The following PCDHGB5 variants were observed in gnomAD, a reference collection of about 807,000 sequenced individuals.
PCDHGB5 encodes protocadherin gamma subfamily B, 5, also known as protocadherin gamma-B5.
PCDHGB5 carries 48 observed loss-of-function variants against 62.9 expected under a neutral mutation model. That is an observed-to-expected ratio of 0.76 (90% CI 0.61 to 0.97). PCDHGB5 has a LOEUF of 0.97. Among genes scored for constraint, PCDHGB5 ranks in the 50% least tolerant of loss-of-function variants. The pLI is 0.00. For synonymous variants in PCDHGB5, 474 were observed against 511.2 expected, an observed-to-expected ratio of 0.93 and a Z score of 0.98; for missense variants, 1,118 against 1,198.6, an observed-to-expected ratio of 0.93 and a Z score of 0.99.
chr5:141,472,770 G>C (rs953423129), intron 1 of PCDHGB5, among the ~76,000 whole-genome samples: 5 of 152,046 alleles, frequency 3.3e-5, no homozygotes, highest in Admixed American at 6.6e-5. Flanking sequence ...CAGATCACCT[G>C]AGGTTGGGAG....
chr5:141,506,017 C>G (rs2099850061), intron 3 of PCDHGB5, among the ~76,000 whole-genome samples: 1 of 152,176 alleles, frequency 6.6e-6, no homozygotes, highest in Non-Finnish European at 1.5e-5. Flanking sequence ...TTTGCTGCCC[C>G]TAACTCCAGA....
At position 141,431,513 on chromosome 5, in the gene PCDHGB5, C is replaced by A. The variant is rs1468442248; in HGVS notation, c.2397+30989C>A. ...TCAGCCCGAGTACCGCGCGAGCGTT[C>A]CGGAGAATCTGGCCTTGGGCACGCA... is the stretch of plus-strand genomic sequence containing the variant. On this transcript the variant is annotated intron_variant, in intron 1 of 3. Transcript: ENST00000617380. The surrounding 1 kb of genome is among the most constrained non-coding windows in gnomAD (Gnocchi z 4.8). 1 of 1,614,022 alleles carries A rather than the reference C, an allele frequency of 6.2e-7. No individual in the cohort carries two copies. The highest frequency in any genetic ancestry group is 1.7e-5 in the Admixed American group (1 of 60,032).
chr5:141,403,318 A>G, intron 1 of PCDHGB5: 1 of 1,613,982 alleles, frequency 6.2e-7, no homozygotes, highest in Non-Finnish European at 8.5e-7. Flanking sequence ...TAGAAATAGA[A>G]GTAACTGATA....
intron 1 of PCDHGB5, chr5:141,478,174 G>GA (rs1156842877): frequency 3.7e-6 from 6 of 1,613,692 alleles, no homozygotes; most frequent in South Asian, 1.1e-5. Context: ...CCCGGGAGCA[G>GA]AAAAAAAATC....
At chr5:141,499,247 A>C (rs908111927) in intron 2 of PCDHGB5, among the ~76,000 whole-genome samples, 1 of 152,036 alleles carries the variant, frequency 6.6e-6, no homozygotes, top group Non-Finnish European at 1.5e-5. Flanking sequence ...CTCTGCACAA[A>C]GAGTCTCCAT....
At chr5:141,424,712 G>A (rs2096836283) in intron 1 of PCDHGB5, 1 of 152,126 alleles carries the variant, frequency 6.6e-6, no homozygotes, top group Non-Finnish European at 1.5e-5. Context: ...CATTTTCAGT[G>A]TAGTTGGGAG....
intron 1 of PCDHGB5, among the ~76,000 whole-genome samples, chr5:141,402,766 A>T (rs1321674206): frequency 6.6e-6 from 1 of 152,232 alleles, no homozygotes; most frequent in African/African-American, 2.4e-5. Context: ...TCAGGACTCC[A>T]TCCGGATTTC....
intron 1 of PCDHGB5, chr5:141,415,428 G>C (rs948747218): frequency 1.2e-6 from 2 of 1,614,088 alleles, no homozygotes; most frequent in Non-Finnish European, 1.7e-6. Context: ...ACGGGGTTCG[G>C]GCTTTCCTGC....
intron 1 of PCDHGB5, among the ~76,000 whole-genome samples, chr5:141,461,415 T>C (rs2099015091): frequency 6.6e-6 from 1 of 152,152 alleles, no homozygotes; most frequent in Non-Finnish European, 1.5e-5. Flanking sequence ...TTTCATATGT[T>C]TGTGGGCCAT....
rs956295940 is a variant in PCDHGB5 at position 141,477,700 on chromosome 5, G to T, written c.2398-17107G>T. The T allele has an allele frequency of 1.2e-6, 2 of 1,613,954 alleles. No individual in the cohort carries two copies. Among genetic ancestry groups the T allele is most frequent in the African/African-American group, 2.7e-5 (2 of 74,928 alleles). On this transcript the variant is annotated intron_variant, in intron 1 of 3. Coordinates refer to ENST00000617380, the MANE Select transcript of PCDHGB5 (RefSeq NM_018925.3). This position sits in a 1 kb window ranked among gnomAD's most constrained non-coding sequence, Gnocchi z 4.9. ...CATCCTTAGTGCCCCTAGACTATGAGGATCGGCGGGAATTTGAATTAACAG... is the reference window on the plus strand; with the variant it reads ...CATCCTTAGTGCCCCTAGACTATGATGATCGGCGGGAATTTGAATTAACAG...
chr5:141,455,632 TG>T (rs1394377963), intron 1 of PCDHGB5, among the ~76,000 whole-genome samples: 1 of 151,924 alleles, frequency 6.6e-6, no homozygotes, highest in African/African-American at 2.4e-5. Flanking sequence ...TGGAGATATG[TG>T]GGGGGCAGCC....
At chr5:141,425,296 T>A (rs1283179158) in intron 1 of PCDHGB5, among the ~76,000 whole-genome samples, 1 of 152,194 alleles carries the variant, frequency 6.6e-6, no homozygotes, top group Non-Finnish European at 1.5e-5. Flanking sequence ...TAAAACCTCA[T>A]CTAAACTAAC....
chr5:141,403,512 A>G (rs751429629), intron 1 of PCDHGB5: 2 of 1,614,020 alleles, frequency 1.2e-6, no homozygotes, highest in Non-Finnish European at 1.7e-6. Context: ...ACTGGAGACA[A>G]TGGAGCCATA....
At chr5:141,415,183 G>A (rs201831693) in intron 1 of PCDHGB5, 913 of 1,613,968 alleles carry the variant, frequency 5.7e-4, no homozygotes, top group Non-Finnish European at 5.1e-4. Flanking sequence ...GGCCGTGGCC[G>A]ACAGCATCCC....
At chr5:141,481,013 A>G (rs1198627648) in intron 1 of PCDHGB5, among the ~76,000 whole-genome samples, 1 of 152,164 alleles carries the variant, frequency 6.6e-6, no homozygotes, top group Admixed American at 6.5e-5. Context: ...AGCCCAGATC[A>G]CACCACTGCA....
chr5:141,456,875 A>C (rs2098894225), intron 1 of PCDHGB5, among the ~76,000 whole-genome samples: 1 of 152,190 alleles, frequency 6.6e-6, no homozygotes, highest in African/African-American at 2.4e-5. Context: ...AGGCAGGAGA[A>C]TCGCTTGAAC....
At chr5:141,453,288 A>T (rs931678565) in intron 1 of PCDHGB5, among the ~76,000 whole-genome samples, 18 of 151,342 alleles carry the variant, frequency 1.2e-4, no homozygotes, top group Admixed American at 3.3e-4. Context: ...TAATTTTTTA[A>T]TTATTTATTT....
Position 141,399,987 on chromosome 5 carries a change from A to T in PCDHGB5, c.1860A>T (p.Gly620=). 1 of 1,612,224 alleles carries T rather than the reference A, an allele frequency of 6.2e-7. No homozygotes were observed. The highest frequency in any genetic ancestry group is 8.5e-7 in the Non-Finnish European group (1 of 1,179,580). ...TCTTCAGCCTGGGGCTGCGCACAGG[A>T]GAGGTGCGCACAGCGCGTGCCTTGG... ...PGLFSLGLRT[G]EVRTARALGD... Residue 620 remains glycine (G), a synonymous_variant, in exon 1 of 4, where the codon GGA becomes GGT. Coordinates refer to ENST00000617380, the MANE Select transcript of PCDHGB5 (RefSeq NM_018925.3).
rs781198519 is a variant in PCDHGB5 at position 141,432,162 on chromosome 5, G to A, written c.2397+31638G>A. ...TATATCCCAGAGAACAATCCCAGAG[G>A]AGTTTCCCTCGTCTCTGTGACCGCC... On this transcript the variant is annotated intron_variant, in intron 1 of 3. Coordinates refer to ENST00000617380, the MANE Select transcript of PCDHGB5 (RefSeq NM_018925.3). The surrounding 1 kb of genome is among the most constrained non-coding windows in gnomAD (Gnocchi z 6.0). 1 of 1,614,070 alleles carries A rather than the reference G, an allele frequency of 6.2e-7. No homozygotes were observed. The highest frequency in any genetic ancestry group is 8.5e-7 in the Non-Finnish European group (1 of 1,180,030).
Sources: gnomAD v4.1 joint callset for allele counts (sites outside exome capture counted in the v4.1 genomes callset) on GRCh38, gnomAD v4.1.1 for gene constraint, Gnocchi (gnomAD v3.1) non-coding constraint, MANE v1.5 for transcripts, NCBI Gene and HGNC (gene_info 2026-07-23, HGNC 2026-07-21) for gene names.